The following SMC5 variants were observed in gnomAD, a reference collection of about 807,000 sequenced individuals.
The protein encoded by SMC5 is structural maintenance of chromosomes protein 5.
In SMC5, 88 loss-of-function variants were observed where a neutral mutation model predicts 148.3. The ratio of observed to expected loss-of-function variants is 0.59; its 90% CI spans 0.50 to 0.71. The LOEUF (loss-of-function observed/expected upper bound fraction) is 0.71, where lower values mean the gene tolerates loss of function less well. SMC5 is among the 30% of genes least tolerant of loss of function. The pLI, the probability that SMC5 is intolerant of heterozygous loss-of-function variation, is 0.00. For synonymous variants in SMC5, 421 were observed against 432.8 expected (o/e 0.97, Z 0.34); for missense variants, 1,142 against 1,298.9 (o/e 0.88, Z 1.86).
chr9:70,289,269 C>T (rs905124636), intron 8 of SMC5, among the ~76,000 whole-genome samples: 16 of 152,124 alleles, frequency 1.1e-4, no homozygotes, highest in Admixed American at 9.8e-4. Context: ...AAGACCTGAC[C>T]TCAAGTGATC....
chr9:70,297,365 C>T (rs937618352), intron 8 of SMC5, among the ~76,000 whole-genome samples: 1 of 152,190 alleles, frequency 6.6e-6, no homozygotes, highest in Non-Finnish European at 1.5e-5. Flanking sequence ...ATATGCTACT[C>T]ATAAACAATC....
intron 15 of SMC5, among the ~76,000 whole-genome samples, chr9:70,319,899 C>T (rs1235980830): frequency 6.6e-6 from 1 of 152,170 alleles, no homozygotes; most frequent in Non-Finnish European, 1.5e-5. Flanking sequence ...AATTGGGAAG[C>T]TGTCAAGCTT....
At chr9:70,306,544 G>A (rs1203607924) in intron 11 of SMC5, among the ~76,000 whole-genome samples, 3 of 152,174 alleles carry the variant, frequency 2.0e-5, no homozygotes, top group African/African-American at 7.2e-5. Context: ...AGAGCTCAGT[G>A]GAGAAGTCAA....
At chr9:70,269,033 T>G (rs2034372476) in intron 3 of SMC5, among the ~76,000 whole-genome samples, 1 of 152,210 alleles carries the variant, frequency 6.6e-6, no homozygotes, top group African/African-American at 2.4e-5. Flanking sequence ...GTGGCATTTT[T>G]GAGCTGAAAA....
intron 13 of SMC5, among the ~76,000 whole-genome samples, chr9:70,316,116 T>C (rs2035794406): frequency 6.6e-6 from 1 of 152,080 alleles, no homozygotes; most frequent in Non-Finnish European, 1.5e-5. Flanking sequence ...AGTTTCTGTA[T>C]TCTGCTAATG....
chr9:70,333,324 G>C (rs1398817515), intron 17 of SMC5, among the ~76,000 whole-genome samples: 5 of 152,172 alleles, frequency 3.3e-5, no homozygotes, highest in Non-Finnish European at 7.3e-5. Context: ...GAAATACCTG[G>C]CTGGGCATGG....
chr9:70,277,995 T>C (rs1038100229), intron 4 of SMC5, among the ~76,000 whole-genome samples: 19 of 150,158 alleles, frequency 1.3e-4, no homozygotes, highest in African/African-American at 4.7e-4. Flanking sequence ...TTAACTAATA[T>C]TAATTTCTTT....
At chr9:70,269,119 T>A (rs1564021308) in intron 3 of SMC5, among the ~76,000 whole-genome samples, 1 of 152,128 alleles carries the variant, frequency 6.6e-6, no homozygotes, top group Non-Finnish European at 1.5e-5. Context: ...AATTACTCAG[T>A]TTTTATTTAT....
chr9:70,280,851 G>A lies in SMC5; in HGVS notation c.771G>A (p.Lys257=). Residue 257 remains lysine (K), a synonymous_variant, in exon 6 of 25, where the codon AAG becomes AAA. Transcript: ENST00000361138. ...KQDVERFYER[K]RHLDLIEMLE... ...ATGTGGAGAGGTTCTATGAACGGAA[G>A]CGACATTTAGATTTAATTGAGATGC... The A allele has an allele frequency of 6.2e-7, 1 of 1,614,060 alleles. No individual in the cohort carries two copies.
chr9:70,337,869 C>G (rs2118767588), intron 17 of SMC5, among the ~76,000 whole-genome samples: 1 of 149,746 alleles, frequency 6.7e-6, no homozygotes, highest in East Asian at 2.0e-4. Context: ...TTTTTTTAAC[C>G]AAGACAGCCA....
At chr9:70,349,650 C>T (rs1485333380) in intron 22 of SMC5, among the ~76,000 whole-genome samples, 1 of 152,122 alleles carries the variant, frequency 6.6e-6, no homozygotes, top group East Asian at 1.9e-4. Flanking sequence ...GGATTCTTGG[C>T]CCTCTGCAGT....
chr9:70,345,645 T>C (rs1037486365), intron 18 of SMC5, among the ~76,000 whole-genome samples: 1 of 151,946 alleles, frequency 6.6e-6, no homozygotes, highest in East Asian at 1.9e-4. Context: ...TTAAAAATTA[T>C]CCAAGCAGAG....
chr9:70,353,244 G>A lies in SMC5; in HGVS notation c.*913G>A, dbSNP rs2118868112. On this transcript the variant is annotated 3_prime_UTR_variant, in exon 25 of 25. Coordinates refer to ENST00000361138, the MANE Select transcript of SMC5 (RefSeq NM_015110.4). ...AATTTCTCAGTGTTATGTAAAGAGT[G>A]ATGGAAAAGCATTGATTTCTTTAAA... The A allele has an allele frequency of 6.6e-6, 1 of 152,196 alleles. No homozygotes were observed. The highest frequency in any genetic ancestry group is 2.1e-4 in the South Asian group (1 of 4,826). The allele number at this position is 152,196 out of a possible 1,614,324, so 9.4% of individuals were successfully genotyped here.
At chr9:70,292,865 G>A (rs1227497062) in intron 8 of SMC5, among the ~76,000 whole-genome samples, 1 of 152,080 alleles carries the variant, frequency 6.6e-6, no homozygotes, top group African/African-American at 2.4e-5. Flanking sequence ...CTTGGTTGTG[G>A]TGTATAAGTG....
Position 70,297,987 on chromosome 9 carries a change from TTAATAG to T in SMC5, c.1079_1084del (p.Ile360_Val361del), listed in dbSNP as rs753404747. The stretch of plus-strand genomic sequence containing the variant: ...TTAGATTGAGGAACTTCAGCAGGCT[TTAATAG>T]TAAAGCAAAATGAAGAGCTTGACCG... On this transcript the variant is annotated inframe_deletion, in exon 9 of 25. Transcript: ENST00000361138. The T allele has an allele frequency of 6.2e-7, 1 of 1,613,460 alleles. No homozygotes were observed. Among genetic ancestry groups the T allele is most frequent in the South Asian group, 1.1e-5 (1 of 91,012 alleles).
At chr9:70,320,671 A>G (rs1030526544) in intron 15 of SMC5, among the ~76,000 whole-genome samples, 3 of 152,160 alleles carry the variant, frequency 2.0e-5, no homozygotes, top group Non-Finnish European at 4.4e-5. Context: ...ATCCTTAGGG[A>G]GTCCTGCAAC....
At chr9:70,259,323 G>T in intron 1 of SMC5, 60 bp downstream of exon 1, 2 of 1,480,020 alleles carry the variant, frequency 1.4e-6, no homozygotes, top group South Asian at 1.4e-5. Context: ...AGGCCCCGGG[G>T]CTCCGGCAGC....
At chr9:70,321,419 G>A (rs1267457932) in intron 15 of SMC5, among the ~76,000 whole-genome samples, 1 of 106,118 alleles carries the variant, frequency 9.4e-6, no homozygotes, top group Non-Finnish European at 2.4e-5. Flanking sequence ...TTGAGACGGG[G>A]TCTTGCTCTG....
intron 2 of SMC5, 57 bp from the exon 3 acceptor site, chr9:70,267,866 T>C: frequency 6.9e-7 from 1 of 1,452,510 alleles, no homozygotes; most frequent in Non-Finnish European, 9.5e-7. Context: ...GCTAAATCTC[T>C]GATTGTTAAC....
Sources: gnomAD v4.1 joint callset for allele counts (sites outside exome capture counted in the v4.1 genomes callset) on GRCh38, gnomAD v4.1.1 for gene constraint, MANE v1.5 for transcripts, NCBI Gene and HGNC (gene_info 2026-07-23, HGNC 2026-07-21) for gene names.